Variants in FCHSD2 observed in about 807,000 individuals in gnomAD.
The protein encoded by FCHSD2 is F-BAR and double SH3 domains protein 2.
FCHSD2 carries 38 observed loss-of-function variants against 108.1 expected under a neutral mutation model. The observed-to-expected ratio is 0.35, with a 90% confidence interval of 0.27 to 0.46. The LOEUF is 0.46. FCHSD2 is among the 20% of genes least tolerant of loss of function. The pLI is 1.00. For synonymous variants in FCHSD2, 279 were observed against 314.7 expected, an observed-to-expected ratio of 0.89 and a Z score of 1.20; for missense variants, 751 against 897.8, an observed-to-expected ratio of 0.84 and a Z score of 2.09.
At position 72,838,573 on chromosome 11, in the gene FCHSD2, A is replaced by C; in HGVS notation, c.*218T>G. On this transcript the variant is annotated 3_prime_UTR_variant, in exon 20 of 20. Transcript: ENST00000409418. ...CCTAGGGTCCGCTAGGATTTGTGCT[A>C]TGGTAGGAGAAATGACATAGAAAAT... 1 of 573,720 alleles carries C rather than the reference A, an allele frequency of 1.7e-6. No homozygotes were observed. Among genetic ancestry groups the C allele is most frequent in the Non-Finnish European group, 3.1e-6 (1 of 320,234 alleles). 35.5% of individuals were successfully genotyped at this position (573,720 alleles called of 1,614,324 possible).
chr11:73,116,829 G>T (rs536503422), intron 2 of FCHSD2, among the ~76,000 whole-genome samples: 1 of 152,096 alleles, frequency 6.6e-6, no homozygotes, highest in Non-Finnish European at 1.5e-5. Context: ...GAGCCACAGC[G>T]CCTGGCCCAT....
chr11:73,001,982 T>C (rs745549602), intron 4 of FCHSD2, among the ~76,000 whole-genome samples: 2 of 152,198 alleles, frequency 1.3e-5, no homozygotes, highest in Non-Finnish European at 2.9e-5. Flanking sequence ...ACACAATCGA[T>C]AATTTATAAC....
intron 3 of FCHSD2, among the ~76,000 whole-genome samples, chr11:73,082,829 A>G (rs1859727445): frequency 6.6e-6 from 1 of 152,222 alleles, no homozygotes; most frequent in East Asian, 1.9e-4. Context: ...AAATTTTCAA[A>G]CTGTATCAAA....
intron 9 of FCHSD2, among the ~76,000 whole-genome samples, chr11:72,914,279 T>A (rs868337481): frequency 1.3e-5 from 2 of 152,170 alleles, no homozygotes; most frequent in Non-Finnish European, 2.9e-5. Context: ...CCTCCCAAAG[T>A]GCTGGGATTA....
intron 2 of FCHSD2, among the ~76,000 whole-genome samples, chr11:73,104,759 G>T (rs1860302232): frequency 6.6e-6 from 1 of 151,918 alleles, no homozygotes; most frequent in South Asian, 2.1e-4. Context: ...AGTAGAGACG[G>T]GGTTTCACCA....
chr11:72,967,038 A>G (rs976531028), intron 8 of FCHSD2, among the ~76,000 whole-genome samples: 3 of 152,114 alleles, frequency 2.0e-5, no homozygotes, highest in African/African-American at 7.2e-5. Context: ...CTCTACTAAA[A>G]AAATACAAAA....
At position 73,017,046 on chromosome 11, in the gene FCHSD2, G is replaced by A. The variant is rs148313080; in HGVS notation, c.166-1161C>T. ...TGCCCAGGCTGGAGTGCAGTGGCGCGATCATGGCTCAATGCAGCCTCAACT... is the reference window on the plus strand; with the variant it reads ...TGCCCAGGCTGGAGTGCAGTGGCGCAATCATGGCTCAATGCAGCCTCAACT... On this transcript the variant is annotated intron_variant, in intron 3 of 19. Coordinates refer to ENST00000409418, the MANE Select transcript of FCHSD2 (RefSeq NM_014824.3). Among the ~76,000 whole-genome samples the A allele has an allele frequency of 3.9e-5, 6 of 152,252 alleles. 1 individual carries two copies. Among genetic ancestry groups the A allele is most frequent in the African/African-American group, 9.6e-5 (4 of 41,556 alleles).
chr11:72,928,080 C>T (rs1399598619), intron 8 of FCHSD2, among the ~76,000 whole-genome samples: 1 of 152,118 alleles, frequency 6.6e-6, no homozygotes, highest in Non-Finnish European at 1.5e-5. Context: ...GTCTTTCTTG[C>T]CTTGCTTTAA....
intron 2 of FCHSD2, among the ~76,000 whole-genome samples, chr11:73,109,839 T>C (rs1308530252): frequency 6.6e-6 from 1 of 152,220 alleles, no homozygotes; most frequent in African/African-American, 2.4e-5. Context: ...GGGTCTGTCT[T>C]AAATGGCTTT....
chr11:73,102,741 A>T (rs1860253881), intron 2 of FCHSD2, among the ~76,000 whole-genome samples: 1 of 152,182 alleles, frequency 6.6e-6, no homozygotes, highest in Non-Finnish European at 1.5e-5. Context: ...GTGATAATGC[A>T]TCAAGAGCTT....
At chr11:73,112,318 T>C (rs1394744278) in intron 2 of FCHSD2, among the ~76,000 whole-genome samples, 1 of 152,202 alleles carries the variant, frequency 6.6e-6, no homozygotes, top group African/African-American at 2.4e-5. Flanking sequence ...ATGTCACTCT[T>C]TCCTGGTCTG....
At chr11:73,029,760 G>C (rs948223261) in intron 3 of FCHSD2, among the ~76,000 whole-genome samples, 7 of 152,086 alleles carry the variant, frequency 4.6e-5, no homozygotes, top group Non-Finnish European at 1.0e-4. Context: ...ACCACACATT[G>C]AAAATTAGGA....
rs1482384927 is a variant in FCHSD2, at chr11:72,837,164, TA to T, written c.*1626del. ...AAAACCACCCTTTTAATTTCTTTTT[TA>T]AACTTAAGAATAAGTTTGATAAACA... On this transcript the variant is annotated 3_prime_UTR_variant, in exon 20 of 20. Coordinates refer to ENST00000409418, the MANE Select transcript of FCHSD2 (RefSeq NM_014824.3). 3 of 152,212 alleles carry T rather than the reference TA, an allele frequency of 2.0e-5. No homozygotes were observed. Among genetic ancestry groups the T allele is most frequent in the African/African-American group, 7.2e-5 (3 of 41,442 alleles). 9.4% of individuals were successfully genotyped at this position (152,212 alleles called of 1,614,324 possible). A position where few individuals can be genotyped will look rare whatever the true frequency, so the allele number is the denominator to read the frequency against.
chr11:72,953,812 C>T (rs973675079), intron 8 of FCHSD2, among the ~76,000 whole-genome samples: 1 of 152,134 alleles, frequency 6.6e-6, no homozygotes, highest in Non-Finnish European at 1.5e-5. Flanking sequence ...GAGGGAGTAT[C>T]GAGTTCTGTG....
At chr11:73,130,554 A>G (rs1235698683) in intron 2 of FCHSD2, among the ~76,000 whole-genome samples, 1 of 152,252 alleles carries the variant, frequency 6.6e-6, no homozygotes, top group East Asian at 1.9e-4. Flanking sequence ...TCAGAAAAGA[A>G]TCTTTAAATT....
intron 14 of FCHSD2, among the ~76,000 whole-genome samples, chr11:72,847,419 T>A (rs1861175734): frequency 6.6e-6 from 1 of 152,198 alleles, no homozygotes; most frequent in Admixed American, 6.5e-5. Flanking sequence ...ACCTACTACG[T>A]GCTGGGCATT....
intron 8 of FCHSD2, among the ~76,000 whole-genome samples, chr11:72,956,250 C>A (rs1487423375): frequency 6.6e-6 from 1 of 152,182 alleles, no homozygotes; most frequent in Non-Finnish European, 1.5e-5. Flanking sequence ...ATAGAAACTT[C>A]TTCCTTCCAT....
chr11:73,100,174 CCT>C (rs952668205), intron 2 of FCHSD2, among the ~76,000 whole-genome samples: 8 of 152,134 alleles, frequency 5.3e-5, no homozygotes, highest in African/African-American at 1.9e-4. Flanking sequence ...GTGAACACAC[CCT>C]CTGTTTCAGA....
intron 8 of FCHSD2, among the ~76,000 whole-genome samples, chr11:72,962,295 G>A (rs1407301307): frequency 6.6e-6 from 1 of 152,244 alleles, no homozygotes; most frequent in Non-Finnish European, 1.5e-5. Context: ...TGATGCAATC[G>A]CTCTGACAGC....
Sources: allele counts gnomAD v4.1 joint callset (sites outside exome capture counted in the v4.1 genomes callset), GRCh38; gene constraint gnomAD v4.1.1; transcripts MANE v1.5; gene names NCBI Gene and HGNC (gene_info 2026-07-23, HGNC 2026-07-21).